GPATCH1: variants seen among roughly 807,000 people sequenced by gnomAD.
GPATCH1 encodes the protein G patch domain-containing protein 1.
GPATCH1 carries 73 observed loss-of-function variants against 114.9 expected under a neutral mutation model. The ratio of observed to expected loss-of-function variants is 0.64; its 90% CI spans 0.53 to 0.77. GPATCH1 has a LOEUF of 0.77. GPATCH1 is among the 30% of genes least tolerant of loss of function. GPATCH1 has a pLI of 0.00. For missense variants in GPATCH1, 1,058 were observed against 1,144.3 expected, an observed-to-expected ratio of 0.92 and a Z score of 1.09; for synonymous variants, 391 against 428.4, an observed-to-expected ratio of 0.91 and a Z score of 1.08.
In GPATCH1 at chr19:33,130,247, G is replaced by T; in HGVS notation, c.*87G>T. ...GTTCAGTTAACGCATTGTACAGAGT[G>T]TATTTATATGTAAATTCCTGCTGTA... On this transcript the variant is annotated 3_prime_UTR_variant, in exon 20 of 20. Coordinates refer to ENST00000170564, the MANE Select transcript of GPATCH1 (RefSeq NM_018025.3). 1 of 786,590 alleles carries T rather than the reference G, an allele frequency of 1.3e-6. No homozygotes were observed. The allele number at this position is 786,590 out of a possible 1,614,324, so 48.7% of individuals were successfully genotyped here.
At chr19:33,111,315 C>T (rs1400328343) in intron 11 of GPATCH1, among the ~76,000 whole-genome samples, 3 of 144,568 alleles carry the variant, frequency 2.1e-5, no homozygotes, top group Non-Finnish European at 3.0e-5. Context: ...ACGTGGGAGG[C>T]GGAGCTTGCA....
chr19:33,093,141 T>C lies in GPATCH1; in HGVS notation c.295-218T>C, dbSNP rs561718272. On this transcript the variant is annotated intron_variant, in intron 3 of 19. Coordinates refer to ENST00000170564, the MANE Select transcript of GPATCH1 (RefSeq NM_018025.3). ...AGGCGGAGGTTGCAGTGAGCCCAGA[T>C]TGCACCACTGCACTCCGGCCTGGGC... Among the ~76,000 whole-genome samples, 10 of 152,190 alleles carry C rather than the reference T, an allele frequency of 6.6e-5. No homozygotes were observed. In the South Asian group the frequency reaches 1.9e-3, roughly 28 times the overall value.
rs773427910 is a variant in GPATCH1 at position 33,109,905 on chromosome 19, G to A, written c.1474G>A (p.Gly492Ser). The A allele has an allele frequency of 1.2e-6, 2 of 1,614,178 alleles. No individual in the cohort carries two copies. The highest frequency in any genetic ancestry group is 1.7e-6 in the Non-Finnish European group (2 of 1,180,030). ...GCACTGCTCTTGGAACATGGCATTA[G>A]GTGGTGGGACGGCCACCTTAAAAGC... is the stretch of plus-strand genomic sequence containing the variant. ...AGHCSWNMAL[G>S]GGTATLKASN... The change falls in exon 11 of 20, where the codon GGT (glycine) becomes AGT (serine). Residue 492 changes from glycine to serine, a missense_variant. Around this residue, in one of 3 missense-constraint regions of GPATCH1, gnomAD observed 893 missense variants for 977.4 expected, o/e 0.91. Transcript: ENST00000170564.
chr19:33,088,390 G>T, intron 2 of GPATCH1, 122 bp downstream of exon 2: 1 of 709,522 alleles, frequency 1.4e-6, no homozygotes, highest in East Asian at 2.9e-5. Context: ...TGTCGCCCAG[G>T]CTGGAGTGCT....
intron 5 of GPATCH1, 83 bp from the exon 6 acceptor site, chr19:33,095,679 G>A: frequency 1.1e-6 from 1 of 888,264 alleles, no homozygotes; most frequent in Non-Finnish European, 1.9e-6. Context: ...TGGGATTACA[G>A]GTGTGATCCA....
Position 33,094,230 on chromosome 19 carries a change from G to T in GPATCH1, c.514G>T (p.Gly172Cys), listed in dbSNP as rs747605197. The change falls in exon 5 of 20, where the codon GGT becomes TGT. Residue 172 changes from glycine (G) to cysteine (C), a missense_variant. Physicochemically the swap from Gly to Cys is radical, Grantham distance 159 (BLOSUM62 -3). This residue lies in a region of GPATCH1 where 893 missense variants were observed against 977.4 expected (regional missense o/e 0.91). Transcript: ENST00000170564. ...GGGTTGGAAAGAAGGACAAGGAGTT[G>T]GTCCTCGAGTAAAGAGACGGCCACG... ...KMGWKEGQGV[G>C]PRVKRRPRRQ... 1 of 1,609,640 alleles carries T rather than the reference G, an allele frequency of 6.2e-7. No homozygotes were observed. The highest frequency in any genetic ancestry group is 8.5e-7 in the Non-Finnish European group (1 of 1,176,048).
At chr19:33,126,256 T>C (rs1973039532) in intron 18 of GPATCH1, among the ~76,000 whole-genome samples, 1 of 152,172 alleles carries the variant, frequency 6.6e-6, no homozygotes, top group Admixed American at 6.5e-5. Flanking sequence ...AATAAACAAG[T>C]CAGGTTCACC....
chr19:33,129,601 G>C (rs1973080436), intron 19 of GPATCH1, among the ~76,000 whole-genome samples: 2 of 152,040 alleles, frequency 1.3e-5, no homozygotes, highest in African/African-American at 4.8e-5. Context: ...TTAATACGAG[G>C]TGTGGGTGAG....
At chr19:33,118,774 G>A (rs760192588) in intron 16 of GPATCH1, among the ~76,000 whole-genome samples, 9 of 152,330 alleles carry the variant, frequency 5.9e-5, no homozygotes, top group African/African-American at 7.2e-5. Flanking sequence ...TTGGCACGCT[G>A]TACCTCAGCC....
Position 33,101,588 on chromosome 19 carries a change from T to C in GPATCH1, c.1080+14T>C. Reference sequence around the variant, plus strand: ...TCTTCTAAGAAAGTAAGAAAAACTTTTTTTCTTTCTTTTTTTACTGGTTTA... The same window carrying C: ...TCTTCTAAGAAAGTAAGAAAAACTTCTTTTCTTTCTTTTTTTACTGGTTTA... On this transcript the variant is annotated intron_variant, in intron 9 of 19. Coordinates refer to ENST00000170564, the MANE Select transcript of GPATCH1 (RefSeq NM_018025.3). 7.6e-7 allele frequency: 1 copy of C among 1,314,822 alleles called. No homozygotes were observed. Among genetic ancestry groups the C allele is most frequent in the East Asian group, 2.3e-5 (1 of 43,546 alleles). The allele number at this position is 1,314,822 out of a possible 1,614,324, so 81.4% of individuals were successfully genotyped here.
Position 33,097,848 on chromosome 19 carries a change from C to G in GPATCH1, c.946C>G (p.Pro316Ala). 6.2e-7 allele frequency: 1 copy of G among 1,613,946 alleles called. No homozygotes were observed. Among genetic ancestry groups the G allele is most frequent in the Non-Finnish European group, 8.5e-7 (1 of 1,179,898 alleles). Residue 316 changes from proline to alanine, a missense_variant, in exon 8 of 20, where the codon CCT (proline) becomes GCT (alanine). Coordinates refer to ENST00000170564, the MANE Select transcript of GPATCH1 (RefSeq NM_018025.3). ...KYDTVLKDEE[P>A]GDGLYGWTAP... ...TGACACTGTTCTGAAGGACGAGGAG[C>G]CTGGAGACGGACTCTATGGCTGGAC...
At chr19:33,114,202 TG>T in intron 14 of GPATCH1, 50 bp from the exon 15 acceptor site, 1 of 1,468,934 alleles carries the variant, frequency 6.8e-7, no homozygotes, top group Non-Finnish European at 9.4e-7. Context: ...GGTGAAGAAC[TG>T]GCCTTTTCCT....
chr19:33,092,705 G>T (rs1972609983), intron 3 of GPATCH1, among the ~76,000 whole-genome samples: 1 of 152,210 alleles, frequency 6.6e-6, no homozygotes, highest in South Asian at 2.1e-4. Context: ...ACTCACACTT[G>T]TGAATGCTTG....
chr19:33,115,317 C>T (rs1425336361), intron 15 of GPATCH1, among the ~76,000 whole-genome samples: 1 of 147,508 alleles, frequency 6.8e-6, no homozygotes, highest in Non-Finnish European at 1.5e-5. Context: ...CTCAAGCAGT[C>T]CTCCTGCCCT....
chr19:33,095,938 C>A, intron 6 of GPATCH1, 118 bp downstream of exon 6: 1 of 819,212 alleles, frequency 1.2e-6, no homozygotes, highest in South Asian at 1.4e-5. Flanking sequence ...CAGTTAAATA[C>A]TCATACCCTA....
chr19:33,087,056 T>C (rs991906102), intron 1 of GPATCH1, among the ~76,000 whole-genome samples: 1 of 152,132 alleles, frequency 6.6e-6, no homozygotes, highest in African/African-American at 2.4e-5. Context: ...AACAACTCCA[T>C]GAAATAGCTG....
intron 11 of GPATCH1, among the ~76,000 whole-genome samples, chr19:33,110,966 A>T (rs928557478): frequency 1.3e-5 from 2 of 149,688 alleles, no homozygotes; most frequent in African/African-American, 4.9e-5. Context: ...CCAAAAAAAA[A>T]AAGATATATA....
rs938909490 is a variant in GPATCH1 at position 33,101,632 on chromosome 19, G to A, written c.1080+58G>A. The stretch of plus-strand genomic sequence containing the variant: ...TGGTTTAGTTCTTAAAATATTTGCT[G>A]CTATGTGATCTGAGTTCTATTAACA... On this transcript the variant is annotated intron_variant, in intron 9 of 19. Coordinates refer to ENST00000170564, the MANE Select transcript of GPATCH1 (RefSeq NM_018025.3). 2.0e-5 allele frequency: 17 copies of A among 843,516 alleles called. No individual in the cohort carries two copies. In the African/African-American group the frequency reaches 2.7e-4, roughly 14 times the overall value. 52.3% of individuals were successfully genotyped at this position (843,516 alleles called of 1,614,324 possible).
At position 33,113,869 on chromosome 19, in the gene GPATCH1, A is replaced by G. The variant is rs1296852310; in HGVS notation, c.1995A>G (p.Ser665=). ...CTTCCTTGCCCACCACTCAAGCATC[A>G]AGTGAAAAAGTATCACAGCACCGAG... ...ETASLPTTQA[S]SEKVSQHRGP... Residue 665 remains serine, a synonymous_variant, in exon 14 of 20, where the codon TCA becomes TCG. Transcript: ENST00000170564. 7 of 1,614,100 alleles carry G rather than the reference A, an allele frequency of 4.3e-6. No homozygotes were observed. The highest frequency in any genetic ancestry group is 5.9e-6 in the Non-Finnish European group (7 of 1,179,990).
Sources: allele counts gnomAD v4.1 joint callset (sites outside exome capture counted in the v4.1 genomes callset), GRCh38; gene constraint gnomAD v4.1.1; regional missense constraint gnomAD v4.1.1; transcripts MANE v1.5; gene names NCBI Gene and HGNC (gene_info 2026-07-23, HGNC 2026-07-21).